MED13: variants seen among roughly 807,000 people sequenced by gnomAD.
MED13 encodes the protein mediator complex subunit 13.
Under a neutral mutation model 225.2 loss-of-function variants are expected in MED13, and 23 were observed. That is an observed-to-expected ratio of 0.10 (90% CI 0.07 to 0.14). The LOEUF is 0.14. Ranked by LOEUF, MED13 falls within the 10% of genes least tolerant of loss-of-function variation. MED13 has a pLI of 1.00. For synonymous variants in MED13, 942 were observed against 889.2 expected (o/e 1.06, Z -1.06); for missense variants, 2,197 against 2,594.5 (o/e 0.85, Z 3.33).
Position 62,010,557 on chromosome 17 carries a change from C to G in MED13, c.1960G>C (p.Val654Leu). The G allele has an allele frequency of 6.9e-7, 1 of 1,451,648 alleles. No homozygotes were observed. The highest frequency in any genetic ancestry group is 9.1e-7 in the Non-Finnish European group (1 of 1,099,200). The allele number at this position is 1,451,648 out of a possible 1,614,324, so 89.9% of individuals were successfully genotyped here. ...ATTAAAAAAAATACATACTCTGTAA[C>G]TGATGTTACACTTTCCTGTCCAAAA... The part of the protein sequence containing the change: ...GPFGQESVTS[V>L]TELMVQCKKP... The change falls in exon 9 of 30, where the codon GTT (valine) becomes CTT (leucine). Residue 654 changes from valine (V) to leucine (L), a missense_variant. This residue lies in a region of MED13 where 884 missense variants were observed against 918.5 expected (regional missense o/e 0.96). Transcript: ENST00000397786.
chr17:61,990,182 C>G (rs1006521946), intron 11 of MED13, among the ~76,000 whole-genome samples: 3 of 152,012 alleles, frequency 2.0e-5, no homozygotes, highest in Admixed American at 1.3e-4. Flanking sequence ...TGTATACTTG[C>G]AAATTGCTGA....
rs1049735085 is a variant in MED13, at chr17:61,942,656, GT to G, written c.*3811del. 1,048 of 138,744 alleles carry G rather than the reference GT, an allele frequency of 7.6e-3. 9 individuals are homozygous for G. Among genetic ancestry groups the G allele is most frequent in the African/African-American group, 0.024 (931 of 38,182 alleles). 8.6% of individuals were successfully genotyped at this position (138,744 alleles called of 1,614,324 possible). A position where few individuals can be genotyped will look rare whatever the true frequency, so the allele number is the denominator to read the frequency against. On this transcript the variant is annotated 3_prime_UTR_variant, in exon 30 of 30. Transcript: ENST00000397786. ...ATTTGAAGTTTTGTTTTTTGTTTTT[GT>G]TTTTTTTTTTTTAAAAAGTATAAAC...
chr17:62,015,548 A>G (rs1341555980), intron 8 of MED13, among the ~76,000 whole-genome samples: 1 of 151,864 alleles, frequency 6.6e-6, no homozygotes, highest in African/African-American at 2.4e-5. Flanking sequence ...TTAATTTTAT[A>G]TTCTTGTGTA....
At chr17:62,035,311 C>T (rs2080792845) in intron 4 of MED13, 152 bp downstream of exon 4, 1 of 706,186 alleles carries the variant, frequency 1.4e-6, no homozygotes, top group African/African-American at 1.8e-5. Context: ...TGACTTAACA[C>T]TGTAATGGGG....
intron 26 of MED13, among the ~76,000 whole-genome samples, chr17:61,954,406 G>A (rs2079923586): frequency 2.0e-5 from 3 of 152,170 alleles, no homozygotes; most frequent in Admixed American, 2.0e-4. Context: ...TATATAAAAT[G>A]AGTTCATGTA....
intron 3 of MED13, among the ~76,000 whole-genome samples, chr17:62,038,512 A>G (rs1009582647): frequency 2.0e-5 from 3 of 152,210 alleles, no homozygotes; most frequent in African/African-American, 7.2e-5. Context: ...TTAAAAATCT[A>G]TTTTCCTGAA....
intron 8 of MED13, among the ~76,000 whole-genome samples, chr17:62,027,915 A>G (rs186871987): frequency 6.6e-6 from 1 of 152,296 alleles, no homozygotes; most frequent in Non-Finnish European, 1.5e-5. Flanking sequence ...TCAAAAAATA[A>G]CAGATGCTGG....
At chr17:62,018,574 C>T (rs1268054926) in intron 8 of MED13, among the ~76,000 whole-genome samples, 1 of 151,902 alleles carries the variant, frequency 6.6e-6, no homozygotes, top group Non-Finnish European at 1.5e-5. Flanking sequence ...GTTAGCTGGG[C>T]GTGGTGGCGC....
chr17:61,960,747 C>T, intron 23 of MED13, 120 bp downstream of exon 23: 1 of 627,542 alleles, frequency 1.6e-6, no homozygotes, highest in Non-Finnish European at 2.5e-6. Context: ...AAAGCACCCA[C>T]AACCCCACAT....
rs917935012 is a variant in MED13, at chr17:62,063,260, T to A, written c.108A>T (p.Gln36His). ...ACAGAATAGGGGCAGAAGTTGGGCC[T>A]TGCCATACATATTTTTTCCACTTAA... ...TGIKWKKYVW[Q>H]GPTSAPILFP... Residue 36 changes from glutamine to histidine, a missense_variant, in exon 2 of 30, where the codon CAA becomes CAT. Gln to His is a conservative substitution (Grantham distance 24, BLOSUM62 0). Around this residue, in one of 12 missense-constraint regions of MED13, gnomAD observed 884 missense variants for 918.5 expected, o/e 0.96. Transcript: ENST00000397786. 6.2e-7 allele frequency: 1 copy of A among 1,613,812 alleles called. No individual in the cohort carries two copies. Among genetic ancestry groups the A allele is most frequent in the East Asian group, 2.2e-5 (1 of 44,900 alleles).
At chr17:61,964,972 AT>A (rs1567946749) in intron 20 of MED13, 33 bp downstream of exon 20, 11 of 1,569,924 alleles carry the variant, frequency 7.0e-6, no homozygotes, top group Non-Finnish European at 9.5e-6. Context: ...CATAGTTTTT[AT>A]ATTTCTGCAA....
chr17:62,043,923 C>T (rs903570380), intron 3 of MED13, among the ~76,000 whole-genome samples: 80 of 151,944 alleles, frequency 5.3e-4, no homozygotes, highest in Admixed American at 5.3e-3. Flanking sequence ...ATGTGGCTCA[C>T]ATTATACTTC....
intron 6 of MED13, chr17:62,030,772 T>C (rs2080747795): frequency 6.6e-6 from 1 of 152,242 alleles, no homozygotes; most frequent in East Asian, 1.9e-4. Flanking sequence ...GGCAGAGATA[T>C]AAACTGTTGC....
intron 8 of MED13, among the ~76,000 whole-genome samples, chr17:62,018,547 A>G (rs1022417458): frequency 6.6e-5 from 10 of 152,052 alleles, no homozygotes; most frequent in African/African-American, 2.2e-4. Context: ...TCTATTACAA[A>G]TACACACACA....
At chr17:62,054,009 T>C (rs796908072) in intron 2 of MED13, among the ~76,000 whole-genome samples, 7 of 152,290 alleles carry the variant, frequency 4.6e-5, no homozygotes, top group African/African-American at 1.7e-4. Flanking sequence ...TTAAATTTTA[T>C]TTTAAATAAG....
At position 62,010,641 on chromosome 17, in the gene MED13, C is replaced by A. The variant is rs755100865; in HGVS notation, c.1876G>T (p.Val626Leu). ...KYYKFPKKKD[V>L]EFLPPQLPSD... ...GGAAGTTGAGGTGGTAAAAACTCTA[C>A]ATCTTTTTTCTTTGGGAACTTGTAA... Residue 626 changes from valine (V) to leucine (L), a missense_variant, in exon 9 of 30, where the codon GTA (valine) becomes TTA (leucine). Val to Leu is a conservative substitution (Grantham distance 32). Around this residue, in one of 12 missense-constraint regions of MED13, gnomAD observed 884 missense variants for 918.5 expected, o/e 0.96. Coordinates refer to ENST00000397786, the MANE Select transcript of MED13 (RefSeq NM_005121.3). 1 of 1,497,862 alleles carries A rather than the reference C, an allele frequency of 6.7e-7. No individual in the cohort carries two copies. Among genetic ancestry groups the A allele is most frequent in the Non-Finnish European group, 8.9e-7 (1 of 1,123,264 alleles). 92.8% of individuals were successfully genotyped at this position (1,497,862 alleles called of 1,614,324 possible). A position where few individuals can be genotyped will look rare whatever the true frequency, so the allele number is the denominator to read the frequency against.
chr17:61,963,202 CAAAAAAAAAAAAAAA>C (rs11290002), intron 20 of MED13, among the ~76,000 whole-genome samples: 8 of 55,772 alleles, frequency 1.4e-4, no homozygotes, highest in Admixed American at 3.2e-4. Context: ...TTAAATTTAC[CAAAAAAAAAAAAAAA>C]AAAAAAAAAA....
At chr17:61,961,898 G>A in intron 21 of MED13, 119 bp from the exon 22 acceptor site, 1 of 970,742 alleles carries the variant, frequency 1.0e-6, no homozygotes, top group Non-Finnish European at 1.5e-6. Flanking sequence ...TAATTTAAAT[G>A]AAAATTTAAC....
intron 16 of MED13, among the ~76,000 whole-genome samples, chr17:61,976,023 A>G (rs112572571): frequency 6.6e-6 from 1 of 152,228 alleles, no homozygotes; most frequent in Non-Finnish European, 1.5e-5. Context: ...TCTCAAAAAA[A>G]AAATAAATAA....
Sources: allele counts gnomAD v4.1 joint callset (sites outside exome capture counted in the v4.1 genomes callset), GRCh38; gene constraint gnomAD v4.1.1; regional missense constraint gnomAD v4.1.1; transcripts MANE v1.5; gene names NCBI Gene and HGNC (gene_info 2026-07-23, HGNC 2026-07-21).